The following RAPGEF6 variants were observed in gnomAD, a reference collection of about 807,000 sequenced individuals.
RAPGEF6 encodes the protein PDZ domain containing guanine nucleotide exchange factor (GEF) 2.
In RAPGEF6, 56 loss-of-function variants were observed where a neutral mutation model predicts 171.4. That is an observed-to-expected ratio of 0.33 (90% confidence interval 0.26 to 0.41). RAPGEF6 has a LOEUF of 0.41. Among genes scored for constraint, RAPGEF6 ranks in the 10% least tolerant of loss-of-function variants. The probability of loss-of-function intolerance (pLI) is 1.00; values close to 1 mark genes in which losing one functional copy is unlikely to be tolerated. For synonymous variants in RAPGEF6, 692 were observed against 650.1 expected (o/e 1.06, Z -0.98); for missense variants, 1,674 against 1,921.4 (o/e 0.87, Z 2.41).
At chr5:131,475,453 T>C (rs31240) in intron 16 of RAPGEF6, among the ~76,000 whole-genome samples, 1 of 152,038 alleles carries the variant, frequency 6.6e-6, no homozygotes, top group Non-Finnish European at 1.5e-5. Context: ...GTAAATAAAA[T>C]AGAATCCCAA....
intron 13 of RAPGEF6, among the ~76,000 whole-genome samples, 177 bp from the exon 14 acceptor site, chr5:131,492,962 G>T (rs1489874176): frequency 1.3e-5 from 2 of 152,108 alleles, no homozygotes; most frequent in African/African-American, 4.8e-5. Flanking sequence ...TTCTAAATAT[G>T]ATTATAAGAC....
chr5:131,459,871 C>T (rs1445381673), intron 19 of RAPGEF6, among the ~76,000 whole-genome samples: 3 of 152,028 alleles, frequency 2.0e-5, no homozygotes, highest in African/African-American at 4.8e-5. Context: ...AAGTTACTTT[C>T]GCTGTGTACT....
At chr5:131,456,768 G>C (rs1753541965) in intron 19 of RAPGEF6, among the ~76,000 whole-genome samples, 2 of 152,152 alleles carry the variant, frequency 1.3e-5, no homozygotes, top group South Asian at 2.1e-4. Context: ...ATGTTCTCCT[G>C]ATTTCTGACT....
intron 7 of RAPGEF6, among the ~76,000 whole-genome samples, chr5:131,518,157 T>C (rs1279690516): frequency 6.6e-6 from 1 of 151,982 alleles, no homozygotes; most frequent in Non-Finnish European, 1.5e-5. Flanking sequence ...TACAGGTATA[T>C]ATATTTATTT....
intron 20 of RAPGEF6, among the ~76,000 whole-genome samples, chr5:131,454,420 A>G (rs185232420): frequency 7.2e-5 from 11 of 152,186 alleles, no homozygotes; most frequent in African/African-American, 2.7e-4. Context: ...CATGACAGAA[A>G]TGAAAGAGTA....
intron 4 of RAPGEF6, among the ~76,000 whole-genome samples, chr5:131,570,401 T>A (rs1255370538): frequency 6.6e-6 from 1 of 152,158 alleles, no homozygotes; most frequent in African/African-American, 2.4e-5. Context: ...TTTGGTCTTT[T>A]CCCAAGAAGT....
intron 18 of RAPGEF6, among the ~76,000 whole-genome samples, chr5:131,462,732 C>G (rs1754022386): frequency 6.6e-6 from 1 of 152,160 alleles, no homozygotes; most frequent in African/African-American, 2.4e-5. Context: ...AAGTAAGAGA[C>G]AGGAAACATC....
intron 3 of RAPGEF6, among the ~76,000 whole-genome samples, chr5:131,600,415 C>T (rs927259033): frequency 5.9e-5 from 9 of 151,848 alleles, no homozygotes; most frequent in African/African-American, 2.2e-4. Flanking sequence ...TCAGCTACTT[C>T]GGAGGCTGAG....
chr5:131,559,094 C>T (rs189327864), intron 5 of RAPGEF6, among the ~76,000 whole-genome samples: 5 of 151,940 alleles, frequency 3.3e-5, no homozygotes, highest in East Asian at 1.9e-4. Context: ...TTTGGGAGGC[C>T]GAGGCAAGAG....
At chr5:131,564,993 G>A (rs1761843741) in intron 4 of RAPGEF6, among the ~76,000 whole-genome samples, 1 of 151,948 alleles carries the variant, frequency 6.6e-6, no homozygotes, top group Admixed American at 6.6e-5. Flanking sequence ...TCAGTACGTA[G>A]ACTGAAAGCA....
At position 131,581,815 on chromosome 5, in the gene RAPGEF6, G is replaced by A. The variant is rs1164497003; in HGVS notation, c.281+10568C>T. On this transcript the variant is annotated intron_variant, in intron 4 of 27. Coordinates refer to ENST00000509018, the MANE Select transcript of RAPGEF6 (RefSeq NM_016340.6). ...TTCCCCATCCTTGCAAATGTACTTT[G>A]TTAACATTCCTCCCTGCCCTTGTGA... 1.3e-5 allele frequency among the ~76,000 whole-genome samples: 2 copies of A among 152,054 alleles called. 1 individual carries two copies. The highest frequency in any genetic ancestry group is 2.9e-5 in the Non-Finnish European group (2 of 68,014).
At chr5:131,454,535 C>CA (rs1753345384) in intron 20 of RAPGEF6, among the ~76,000 whole-genome samples, 1 of 151,766 alleles carries the variant, frequency 6.6e-6, no homozygotes, top group South Asian at 2.1e-4. Context: ...CAAGAAAAAA[C>CA]AATGAGAACT....
In RAPGEF6 at chr5:131,575,676, ATTC is replaced by A. The variant is rs574982017; in HGVS notation, c.282-13632_282-13630del. ...CCCACAGACCCTAAGTCCTTTCCCC[ATTC>A]TTCTTTTTGTTCCTTAAAGACAGCC... On this transcript the variant is annotated intron_variant, in intron 4 of 27. Coordinates refer to ENST00000509018, the MANE Select transcript of RAPGEF6 (RefSeq NM_016340.6). Among the ~76,000 whole-genome samples, 20 of 152,276 alleles carry A rather than the reference ATTC, an allele frequency of 1.3e-4. No individual in the cohort carries two copies. In the South Asian group the frequency reaches 4.1e-3, roughly 32 times the overall value.
chr5:131,556,888 G>A (rs1037223902), intron 5 of RAPGEF6, among the ~76,000 whole-genome samples: 2 of 151,934 alleles, frequency 1.3e-5, no homozygotes, highest in Non-Finnish European at 1.5e-5. Context: ...TTTTGTTCAA[G>A]TTTAATTTTT....
At chr5:131,499,961 C>G (rs11242079) in intron 11 of RAPGEF6, among the ~76,000 whole-genome samples, 113,018 of 151,632 alleles carry the variant, frequency 0.75, 42,384 homozygotes, top group Middle Eastern at 0.81. Flanking sequence ...TGCCGCTGCG[C>G]GATCTCAGCT....
chr5:131,609,650 G>A (rs1484005825), intron 1 of RAPGEF6, among the ~76,000 whole-genome samples: 2 of 152,170 alleles, frequency 1.3e-5, no homozygotes, highest in Non-Finnish European at 2.9e-5. Context: ...TGTCCAACCT[G>A]TCAGCAACAG....
intron 17 of RAPGEF6, among the ~76,000 whole-genome samples, chr5:131,467,183 C>T (rs1235568245): frequency 6.6e-6 from 1 of 152,204 alleles, no homozygotes; most frequent in Non-Finnish European, 1.5e-5. Context: ...GTAACATCTT[C>T]TGGGAAGGAG....
chr5:131,502,076 T>C (rs1268654401), intron 11 of RAPGEF6, among the ~76,000 whole-genome samples: 1 of 152,120 alleles, frequency 6.6e-6, no homozygotes, highest in East Asian at 1.9e-4. Flanking sequence ...TGGGGATATG[T>C]CAAAAAATAC....
rs561721910 is a variant in RAPGEF6, at chr5:131,508,553, A to G, written c.806-346T>C. On this transcript the variant is annotated intron_variant, in intron 8 of 27. Transcript: ENST00000509018. ...GGCCTTTGATCTAATAGGTTAGTGA[A>G]AAAGTCTTTTGTCTAGTTCTTACTA... Among the ~76,000 whole-genome samples the G allele has an allele frequency of 4.6e-4, 70 of 152,344 alleles. 2 individuals carry two copies. The South Asian group carries it at 0.013, about 29-fold the overall frequency.
Sources: allele counts gnomAD v4.1 joint callset (sites outside exome capture counted in the v4.1 genomes callset), GRCh38; gene constraint gnomAD v4.1.1; transcripts MANE v1.5; gene names NCBI Gene and HGNC (gene_info 2026-07-23, HGNC 2026-07-21).